PDE3A: variants seen among roughly 807,000 people sequenced by gnomAD.
PDE3A encodes phosphodiesterase 3A, also known as cGMP-inhibited 3',5'-cyclic phosphodiesterase 3A.
In PDE3A, 43 loss-of-function variants were observed where a neutral mutation model predicts 98.3. That is an observed-to-expected ratio of 0.44 (90% CI 0.34 to 0.56). The LOEUF is 0.56. Ranked by LOEUF, PDE3A falls within the 20% of genes least tolerant of loss-of-function variation. The pLI is 0.01. For synonymous variants in PDE3A, 663 were observed against 567.9 expected (o/e 1.17, Z -2.38); for missense variants, 1,427 against 1,440.7 (o/e 0.99, Z 0.15).
chr12:20,450,285 T>G (rs1945041255), intron 1 of PDE3A, among the ~76,000 whole-genome samples: 1 of 152,176 alleles, frequency 6.6e-6, no homozygotes, highest in Non-Finnish European at 1.5e-5. Context: ...GACACAGCAG[T>G]GAATGAGACC....
At chr12:20,528,144 G>A (rs771458068) in intron 1 of PDE3A, among the ~76,000 whole-genome samples, 3 of 152,104 alleles carry the variant, frequency 2.0e-5, no homozygotes, top group Non-Finnish European at 4.4e-5. Context: ...CCTTTTTATC[G>A]TGAGTAGTTG....
chr12:20,581,480 T>A (rs1943062775), intron 2 of PDE3A, among the ~76,000 whole-genome samples: 1 of 152,216 alleles, frequency 6.6e-6, no homozygotes, highest in Non-Finnish European at 1.5e-5. Context: ...ATTTACTTTT[T>A]TTCTCATGTT....
intron 1 of PDE3A, among the ~76,000 whole-genome samples, chr12:20,502,565 A>G (rs2121087647): frequency 6.6e-6 from 1 of 152,218 alleles, no homozygotes; most frequent in South Asian, 2.1e-4. Context: ...GACTTTCCCT[A>G]CTTGGTTCAC....
At chr12:20,638,009 T>C (rs532827142) in intron 9 of PDE3A, among the ~76,000 whole-genome samples, 6 of 152,282 alleles carry the variant, frequency 3.9e-5, no homozygotes, top group South Asian at 2.1e-4. Flanking sequence ...TCTTATAAAT[T>C]TGAATAAGTA....
Position 20,441,463 on chromosome 12 carries a change from C to G in PDE3A, c.960+71219C>G, listed in dbSNP as rs182112974. Among the ~76,000 whole-genome samples the G allele has an allele frequency of 1.6e-3, 244 of 152,274 alleles. 2 individuals are homozygous for G. The highest frequency in any genetic ancestry group is 0.01 in the Middle Eastern group (3 of 294). ...TGGGTCATAAAATGCATTAGATTGA[C>G]AAGTTAATTCTCACTAAGAGCCAGG... On this transcript the variant is annotated intron_variant, in intron 1 of 15. Transcript: ENST00000359062.
At chr12:20,547,519 G>A (rs1207054301) in intron 1 of PDE3A, among the ~76,000 whole-genome samples, 1 of 152,074 alleles carries the variant, frequency 6.6e-6, no homozygotes, top group Non-Finnish European at 1.5e-5. Context: ...AGTTTTATAT[G>A]TCTTCAGAAA....
At chr12:20,574,777 C>G (rs1012820966) in intron 2 of PDE3A, among the ~76,000 whole-genome samples, 3 of 152,038 alleles carry the variant, frequency 2.0e-5, no homozygotes, top group Admixed American at 6.6e-5. Flanking sequence ...ATTTGTCTCA[C>G]TGTCCCTAAT....
intron 1 of PDE3A, among the ~76,000 whole-genome samples, chr12:20,378,309 A>G (rs569650068): frequency 6.6e-5 from 10 of 151,858 alleles, no homozygotes; most frequent in Middle Eastern, 3.4e-3. Context: ...CTTATACTCT[A>G]TGAATTCGTT....
chr12:20,369,885 G>A lies in PDE3A; in HGVS notation c.601G>A (p.Ala201Thr), dbSNP rs147466535. The A allele has an allele frequency of 3.7e-6, 6 of 1,613,170 alleles. No individual in the cohort carries two copies. Among genetic ancestry groups the A allele is most frequent in the Non-Finnish European group, 5.1e-6 (6 of 1,179,806 alleles). ...GGTGGTGCTCAGCTGCTTGGCCGCC[G>A]CGACATGGCTGGTGCTGAGGCTGAG... The part of the protein sequence containing the change: ...AGVVLSCLAA[A>T]TWLVLRLRLG... Residue 201 changes from alanine (A) to threonine (T), a missense_variant, in exon 1 of 16, where the codon GCG becomes ACG. By Grantham distance (58) the Ala-to-Thr change is moderately conservative. Around this residue, in one of 3 missense-constraint regions of PDE3A, gnomAD observed 1,012 missense variants for 886.5 expected, o/e 1.14. Coordinates refer to ENST00000359062, the MANE Select transcript of PDE3A (RefSeq NM_000921.5).
chr12:20,605,183 A>G (rs1219385989), intron 2 of PDE3A, among the ~76,000 whole-genome samples: 1 of 152,230 alleles, frequency 6.6e-6, no homozygotes, highest in Non-Finnish European at 1.5e-5. Flanking sequence ...AGTGACAAAT[A>G]TAACAGGCCT....
At chr12:20,521,835 G>C (rs1336448283) in intron 1 of PDE3A, among the ~76,000 whole-genome samples, 1 of 152,068 alleles carries the variant, frequency 6.6e-6, no homozygotes, top group East Asian at 1.9e-4. Flanking sequence ...AGTGGCAGTG[G>C]GCTGGACAGG....
intron 1 of PDE3A, among the ~76,000 whole-genome samples, chr12:20,453,699 G>T (rs1004425921): frequency 1.3e-5 from 2 of 152,160 alleles, no homozygotes; most frequent in Admixed American, 6.5e-5. Flanking sequence ...GGGAAATCAT[G>T]TTGTTGACAC....
At chr12:20,409,153 G>A (rs969730751) in intron 1 of PDE3A, among the ~76,000 whole-genome samples, 1 of 152,024 alleles carries the variant, frequency 6.6e-6, no homozygotes, top group Non-Finnish European at 1.5e-5. Flanking sequence ...TTTTCATGTA[G>A]TTTCTTGGAC....
At chr12:20,651,763 A>T (rs530394472) in intron 14 of PDE3A, among the ~76,000 whole-genome samples, 1 of 87,172 alleles carries the variant, frequency 1.1e-5, no homozygotes, top group African/African-American at 4.9e-5. Context: ...ATATAGAATG[A>T]AAGATTTTTT....
chr12:20,488,692 C>T (rs1347189264), intron 1 of PDE3A, among the ~76,000 whole-genome samples: 1 of 151,872 alleles, frequency 6.6e-6, no homozygotes, highest in African/African-American at 2.4e-5. Flanking sequence ...AACAAAATAA[C>T]AATAACAACA....
At position 20,637,228 on chromosome 12, in the gene PDE3A, T is replaced by C. The variant is rs1944535461; in HGVS notation, c.2130T>C (p.Ile710=). Residue 710 remains isoleucine (I), a synonymous_variant, in exon 9 of 16, where the codon ATT becomes ATC. Transcript: ENST00000359062. ...VENIGRKCGR[I]LSQVSYRLFE... ...ATATAGGAAGAAAATGTGGCCGTAT[T>C]CTTAGTCAGGTAAGAAATGCATTCA... 2 of 1,606,712 alleles carry C rather than the reference T, an allele frequency of 1.2e-6. No homozygotes were observed. The highest frequency in any genetic ancestry group is 1.3e-5 in the African/African-American group (1 of 74,670).
At chr12:20,659,239 A>C (rs11045372) in intron 15 of PDE3A, among the ~76,000 whole-genome samples, 1 of 151,844 alleles carries the variant, frequency 6.6e-6, no homozygotes, top group Non-Finnish European at 1.5e-5. Flanking sequence ...TTCTGTGTCT[A>C]TATGGTTCAA....
At chr12:20,610,550 T>TA (rs1943823960) in intron 2 of PDE3A, among the ~76,000 whole-genome samples, 1 of 151,918 alleles carries the variant, frequency 6.6e-6, no homozygotes, top group Admixed American at 6.6e-5. Context: ...CACCACCTCA[T>TA]AAAGATATCT....
intron 1 of PDE3A, among the ~76,000 whole-genome samples, chr12:20,475,176 TG>T (rs1565561089): frequency 1.5e-5 from 1 of 66,414 alleles, no homozygotes; most frequent in African/African-American, 6.3e-5. Context: ...AAAATGTGTG[TG>T]AGTGTGTGTG....
Sources: gnomAD v4.1 joint callset for allele counts (sites outside exome capture counted in the v4.1 genomes callset) on GRCh38, gnomAD v4.1.1 for gene constraint, gnomAD v4.1.1 regional missense constraint, MANE v1.5 for transcripts, NCBI Gene and HGNC (gene_info 2026-07-23, HGNC 2026-07-21) for gene names.